Variants in EXOC4 observed in about 807,000 individuals in gnomAD.
EXOC4 encodes the protein SEC8-like 1.
Under a neutral mutation model 107.2 loss-of-function variants are expected in EXOC4, and 71 were observed. That is an observed-to-expected ratio of 0.66 (90% confidence interval 0.55 to 0.81). The LOEUF (loss-of-function observed/expected upper bound fraction) is 0.81, where lower values mean the gene tolerates loss of function less well. EXOC4 is among the 30% of genes least tolerant of loss of function. The probability of loss-of-function intolerance (pLI) is 0.00; values close to 1 mark genes in which losing one functional copy is unlikely to be tolerated. For missense variants in EXOC4, 1,108 were observed against 1,189.6 expected, an observed-to-expected ratio of 0.93 and a Z score of 1.01; for synonymous variants, 456 against 441.2, an observed-to-expected ratio of 1.03 and a Z score of -0.42.
At chr7:133,904,366 T>C (rs1799522320) in intron 12 of EXOC4, among the ~76,000 whole-genome samples, 1 of 152,192 alleles carries the variant, frequency 6.6e-6, no homozygotes, top group Non-Finnish European at 1.5e-5. Context: ...GCGCTGTCTG[T>C]CCGTTCTATA....
At chr7:133,822,806 G>A (rs1439155811) in intron 11 of EXOC4, among the ~76,000 whole-genome samples, 3 of 152,146 alleles carry the variant, frequency 2.0e-5, no homozygotes, top group Admixed American at 6.5e-5. Flanking sequence ...TTAACATAAC[G>A]TCGTCATGAT....
chr7:133,321,194 T>TA (rs11442477), intron 5 of EXOC4, among the ~76,000 whole-genome samples: 49,737 of 151,948 alleles, frequency 0.33, 9,939 homozygotes, highest in African/African-American at 0.57. Context: ...TTCAGGTTAT[T>TA]TTAATTAAAT....
chr7:133,348,261 T>C (rs1419210864), intron 5 of EXOC4, among the ~76,000 whole-genome samples: 2 of 152,200 alleles, frequency 1.3e-5, no homozygotes, highest in Non-Finnish European at 2.9e-5. Context: ...TAATTAATAT[T>C]GGATCTGTTC....
chr7:133,305,778 C>CT, intron 3 of EXOC4, 99 bp from the exon 4 acceptor site: 1 of 893,992 alleles, frequency 1.1e-6, no homozygotes, highest in Non-Finnish European at 1.5e-6. Flanking sequence ...TTCTCGTAAG[C>CT]TCCCTTTGTT....
At chr7:133,524,550 CTTCTAGGGTTTTT>C (rs1800043650) in intron 9 of EXOC4, among the ~76,000 whole-genome samples, 1 of 144,184 alleles carries the variant, frequency 6.9e-6, no homozygotes. Context: ...CCTAGGTTTT[CTTCTAGGGTTTTT>C]ATGGTTTTAG....
intron 11 of EXOC4, among the ~76,000 whole-genome samples, chr7:133,853,549 G>A (rs116430968): frequency 0.04 from 6,088 of 152,116 alleles, 426 homozygotes; most frequent in African/African-American, 0.14. Flanking sequence ...CGTATTGTCA[G>A]TATCTCATCA....
At chr7:133,699,723 G>A (rs748603813) in intron 10 of EXOC4, among the ~76,000 whole-genome samples, 1 of 152,112 alleles carries the variant, frequency 6.6e-6, no homozygotes, top group African/African-American at 2.4e-5. Context: ...CTTTTGACAT[G>A]GACAACTTTC....
chr7:133,914,768 A>AATCCATTGCAG (rs1224994846), intron 12 of EXOC4, among the ~76,000 whole-genome samples: 2 of 152,368 alleles, frequency 1.3e-5, no homozygotes, highest in African/African-American at 4.8e-5. Context: ...CCTACAGAGG[A>AATCCATTGCAG]TAAGTTCCAT....
rs115382660 is a variant in EXOC4, at chr7:133,799,463, G to A, written c.1515-17862G>A. 2.4e-3 allele frequency among the ~76,000 whole-genome samples: 368 copies of A among 152,232 alleles called. 5 individuals are homozygous for A. Among genetic ancestry groups the A allele is most frequent in the African/African-American group, 8.2e-3 (340 of 41,544 alleles). ...CCCTGTCCCTCTCAGCCCATACACCGCTGATTTCATGTATATTAAATATGG... is the reference window on the plus strand; with the variant it reads ...CCCTGTCCCTCTCAGCCCATACACCACTGATTTCATGTATATTAAATATGG... On this transcript the variant is annotated intron_variant, in intron 10 of 17. Coordinates refer to ENST00000253861, the MANE Select transcript of EXOC4 (RefSeq NM_021807.4).
rs574003216 is a variant in EXOC4, at chr7:133,345,159, TG to T, written c.764-11170del. ...TATTTTTCTTCATTTTGAGTTTTGA[TG>T]TTACATTTTGTCACATTATCTCATT... is the stretch of plus-strand genomic sequence containing the variant. On this transcript the variant is annotated intron_variant, in intron 5 of 17. Transcript: ENST00000253861. Among the ~76,000 whole-genome samples, 1,411 of 152,350 alleles carry T rather than the reference TG, an allele frequency of 9.3e-3. 13 individuals are homozygous for T. Among genetic ancestry groups the T allele is most frequent in the Middle Eastern group, 0.027 (8 of 294 alleles).
At chr7:133,260,313 G>A (rs894052731) in intron 1 of EXOC4, among the ~76,000 whole-genome samples, 5 of 148,430 alleles carry the variant, frequency 3.4e-5, no homozygotes, top group Non-Finnish European at 7.4e-5. Context: ...TTGCTCTGTC[G>A]CCCATGCTGG....
intron 9 of EXOC4, among the ~76,000 whole-genome samples, chr7:133,492,364 T>C (rs1584956592): frequency 6.6e-6 from 1 of 152,190 alleles, no homozygotes; most frequent in East Asian, 1.9e-4. Flanking sequence ...ACAGGAAATA[T>C]AAAAAGAGGA....
At chr7:133,601,573 T>C (rs771612265) in intron 9 of EXOC4, among the ~76,000 whole-genome samples, 2 of 152,292 alleles carry the variant, frequency 1.3e-5, no homozygotes, top group East Asian at 1.9e-4. Context: ...CCCATCTTCA[T>C]GTTCCTTTCC....
chr7:133,356,184 T>C, intron 5 of EXOC4, 146 bp from the exon 6 acceptor site: 1 of 783,058 alleles, frequency 1.3e-6, no homozygotes, highest in South Asian at 1.9e-5. Context: ...TTTTGGATGG[T>C]TACTGTGCAA....
At chr7:133,596,095 C>T (rs557152965) in intron 9 of EXOC4, among the ~76,000 whole-genome samples, 1 of 152,348 alleles carries the variant, frequency 6.6e-6, no homozygotes, top group South Asian at 2.1e-4. Flanking sequence ...ATATGCATTT[C>T]ATCTGTGTAA....
chr7:133,378,309 CA>C (rs61241527), intron 7 of EXOC4, among the ~76,000 whole-genome samples: 253 of 105,790 alleles, frequency 2.4e-3, no homozygotes, highest in African/African-American at 5.9e-3. Flanking sequence ...GACTCCATCT[CA>C]AAAAAAAAAA....
chr7:133,281,440 A>G (rs1029484951), intron 2 of EXOC4, among the ~76,000 whole-genome samples: 3 of 151,014 alleles, frequency 2.0e-5, no homozygotes, highest in African/African-American at 7.2e-5. Flanking sequence ...ACTTATATGT[A>G]GATTTACTTT....
At chr7:134,048,701 A>G (rs1795714133) in intron 17 of EXOC4, among the ~76,000 whole-genome samples, 1 of 152,248 alleles carries the variant, frequency 6.6e-6, no homozygotes, top group Non-Finnish European at 1.5e-5. Context: ...TAATGGCCCC[A>G]GGTCACATTT....
intron 10 of EXOC4, among the ~76,000 whole-genome samples, chr7:133,775,996 A>C (rs1480550794): frequency 6.6e-6 from 1 of 152,192 alleles, no homozygotes; most frequent in African/African-American, 2.4e-5. Flanking sequence ...TAATAGACTT[A>C]AGATTTATTG....
Sources: allele counts gnomAD v4.1 joint callset (sites outside exome capture counted in the v4.1 genomes callset), GRCh38; gene constraint gnomAD v4.1.1; transcripts MANE v1.5; gene names NCBI Gene and HGNC (gene_info 2026-07-23, HGNC 2026-07-21).